GULP1: variants seen among roughly 807,000 people sequenced by gnomAD.
GULP1 encodes GULP PTB domain containing engulfment adaptor 1.
A neutral mutation model predicts 40.9 loss-of-function variants in GULP1; 19 were observed. The ratio of observed to expected loss-of-function variants is 0.46; its 90% CI spans 0.32 to 0.68. GULP1 has a LOEUF of 0.68. GULP1 is among the 30% of genes least tolerant of loss of function. The pLI is 0.03. For missense variants in GULP1, 312 were observed against 362.2 expected (o/e 0.86, Z 1.12); for synonymous variants, 119 against 117.6 (o/e 1.01, Z -0.08).
intron 2 of GULP1, among the ~76,000 whole-genome samples, chr2:188,456,991 C>A (rs1336042750): frequency 6.6e-6 from 1 of 152,056 alleles, no homozygotes; most frequent in Admixed American, 6.6e-5. Flanking sequence ...TTGCATGGGG[C>A]CTGTAGTCCC....
chr2:188,390,122 C>G (rs1342765595), intron 2 of GULP1, among the ~76,000 whole-genome samples: 1 of 152,058 alleles, frequency 6.6e-6, no homozygotes, highest in Non-Finnish European at 1.5e-5. Context: ...ACTTCTTCTA[C>G]TTTGGGTAGA....
At chr2:188,562,411 T>C (rs1350211148) in intron 7 of GULP1, among the ~76,000 whole-genome samples, 2 of 152,164 alleles carry the variant, frequency 1.3e-5, no homozygotes, top group Non-Finnish European at 2.9e-5. Context: ...TCTTCTTCCT[T>C]CCTTGCTTTT....
chr2:188,444,864 G>A (rs1010591512), intron 2 of GULP1, among the ~76,000 whole-genome samples: 1 of 152,134 alleles, frequency 6.6e-6, no homozygotes, highest in Admixed American at 6.6e-5. Flanking sequence ...CTAAACACTG[G>A]CAGTGACATG....
At chr2:188,524,007 A>G (rs1413551283) in intron 5 of GULP1, among the ~76,000 whole-genome samples, 2 of 152,190 alleles carry the variant, frequency 1.3e-5, no homozygotes, top group Non-Finnish European at 2.9e-5. Context: ...ACTAGTTTTA[A>G]TCATTCCAAA....
chr2:188,338,926 T>C (rs925197164), intron 1 of GULP1, among the ~76,000 whole-genome samples: 1 of 152,210 alleles, frequency 6.6e-6, no homozygotes, highest in Non-Finnish European at 1.5e-5. Context: ...ACAGTTTTAT[T>C]TCCTAGAAGT....
rs1446644508 is a variant in GULP1, at chr2:188,483,482, A to G, written c.80A>G (p.Tyr27Cys). 3 of 1,438,142 alleles carry G rather than the reference A, an allele frequency of 2.1e-6. No homozygotes were observed. Among genetic ancestry groups the G allele is most frequent in the Admixed American group, 1.7e-5 (1 of 58,380 alleles). 89.1% of individuals were successfully genotyped at this position (1,438,142 alleles called of 1,614,324 possible). A position where few individuals can be genotyped will look rare whatever the true frequency, so the allele number is the denominator to read the frequency against. The change falls in exon 4 of 12, where the codon TAT (tyrosine) becomes TGT (cysteine). Residue 27 changes from tyrosine (Y) to cysteine (C), a missense_variant. Coordinates refer to ENST00000409830, the MANE Select transcript of GULP1 (RefSeq NM_016315.4). ...GCTTTATCAAAACATTTCATTCCCTATAATGCAAAGGTAAAAATAGTTCAT... is the reference window on the plus strand; with the variant it reads ...GCTTTATCAAAACATTTCATTCCCTGTAATGCAAAGGTAAAAATAGTTCAT... Reference protein sequence around the residue: ...PEALSKHFIPYNAKFLGSTEV... With the variant: ...PEALSKHFIPCNAKFLGSTEV...
chr2:188,463,790 G>A (rs1473142406), intron 2 of GULP1, among the ~76,000 whole-genome samples: 2 of 151,894 alleles, frequency 1.3e-5, no homozygotes, highest in Non-Finnish European at 2.9e-5. Flanking sequence ...TCTTTTAAAA[G>A]ACTCTGATGC....
chr2:188,551,387 T>C (rs544955854), intron 7 of GULP1, among the ~76,000 whole-genome samples: 87 of 151,890 alleles, frequency 5.7e-4, no homozygotes, highest in African/African-American at 1.9e-3. Context: ...TGTGATGAAA[T>C]ACTTTGCTTT....
intron 2 of GULP1, among the ~76,000 whole-genome samples, chr2:188,437,102 G>A (rs1487859364): frequency 2.0e-5 from 3 of 152,086 alleles, no homozygotes; most frequent in Non-Finnish European, 2.9e-5. Context: ...ATCAAATTAT[G>A]TTTTTCATAT....
chr2:188,549,389 C>T (rs1038337943), intron 7 of GULP1, among the ~76,000 whole-genome samples: 2 of 151,586 alleles, frequency 1.3e-5, no homozygotes, highest in African/African-American at 4.8e-5. Flanking sequence ...AAAGTAAGCA[C>T]GTGAAAAGAT....
At chr2:188,569,192 G>A (rs747219170) in intron 7 of GULP1, 47 bp from the exon 8 acceptor site, 11 of 955,308 alleles carry the variant, frequency 1.2e-5, no homozygotes, top group Non-Finnish European at 1.7e-6. Context: ...TTCAAAAACA[G>A]TTTGACATAT....
chr2:188,513,346 T>A (rs2064803620), intron 4 of GULP1, among the ~76,000 whole-genome samples: 1 of 152,124 alleles, frequency 6.6e-6, no homozygotes, highest in African/African-American at 2.4e-5. Context: ...TTCTTATCTG[T>A]CCATTTTGCT....
intron 7 of GULP1, among the ~76,000 whole-genome samples, chr2:188,555,219 C>A (rs1343024704): frequency 1.3e-5 from 2 of 152,094 alleles, no homozygotes; most frequent in Non-Finnish European, 2.9e-5. Flanking sequence ...TGACTTTCTT[C>A]TGTTATTGTT....
chr2:188,484,004 A>C (rs976947371), intron 4 of GULP1, among the ~76,000 whole-genome samples: 1 of 152,012 alleles, frequency 6.6e-6, no homozygotes, highest in African/African-American at 2.4e-5. Context: ...GCTCTCTGCA[A>C]CCTCCATCTC....
intron 1 of GULP1, among the ~76,000 whole-genome samples, chr2:188,336,639 G>A (rs2042292190): frequency 6.6e-6 from 1 of 152,176 alleles, no homozygotes; most frequent in African/African-American, 2.4e-5. Context: ...GGATGAGGTG[G>A]TCTGGAAAGT....
At chr2:188,537,076 A>G (rs1482994668) in intron 6 of GULP1, among the ~76,000 whole-genome samples, 1 of 151,978 alleles carries the variant, frequency 6.6e-6, no homozygotes, top group Non-Finnish European at 1.5e-5. Context: ...CAGTTGCAGG[A>G]GCCTCTTGGT....
intron 2 of GULP1, among the ~76,000 whole-genome samples, chr2:188,474,060 T>C (rs1281655223): frequency 6.6e-6 from 1 of 152,154 alleles, no homozygotes; most frequent in Non-Finnish European, 1.5e-5. Context: ...TGGTGCAAGA[T>C]GTCTAGAAAT....
chr2:188,446,612 A>G (rs1214114294), intron 2 of GULP1, among the ~76,000 whole-genome samples: 5 of 152,192 alleles, frequency 3.3e-5, no homozygotes, highest in Non-Finnish European at 7.3e-5. Flanking sequence ...TGTCTCTGCC[A>G]CAAATGACTT....
intron 1 of GULP1, among the ~76,000 whole-genome samples, chr2:188,302,146 A>G (rs2036239912): frequency 6.6e-6 from 1 of 152,192 alleles, no homozygotes; most frequent in Non-Finnish European, 1.5e-5. Context: ...AATTTTAGAT[A>G]TGGTTAGTGC....
Sources: gnomAD v4.1 joint callset for allele counts (sites outside exome capture counted in the v4.1 genomes callset) on GRCh38, gnomAD v4.1.1 for gene constraint, MANE v1.5 for transcripts, NCBI Gene and HGNC (gene_info 2026-07-23, HGNC 2026-07-21) for gene names.